SAMD8: variants seen among roughly 807,000 people sequenced by gnomAD.
SAMD8 encodes the protein sphingomyelin synthase-related protein 1.
In SAMD8, 20 loss-of-function variants were observed where a neutral mutation model predicts 42.0. That is an observed-to-expected ratio of 0.48 (90% CI 0.34 to 0.69). The LOEUF (loss-of-function observed/expected upper bound fraction) is 0.69. Ranked by LOEUF, SAMD8 falls within the 30% of genes least tolerant of loss-of-function variation. SAMD8 has a pLI of 0.01. For synonymous variants in SAMD8, 162 were observed against 173.0 expected, an observed-to-expected ratio of 0.94 and a Z score of 0.50; for missense variants, 328 against 511.6, an observed-to-expected ratio of 0.64 and a Z score of 3.46.
intron 2 of SAMD8, among the ~76,000 whole-genome samples, chr10:75,163,325 T>TTCTA (rs1840601873): frequency 2.0e-5 from 3 of 152,242 alleles, no homozygotes; most frequent in Non-Finnish European, 4.4e-5. Flanking sequence ...AAAAGAAACG[T>TTCTA]CAATAATTCT....
chr10:75,109,028 T>C (rs1848693664), upstream of SAMD8: 3 of 1,610,128 alleles, frequency 1.9e-6, no homozygotes, highest in East Asian at 2.2e-5. Context: ...ATGAAAAGGT[T>C]GGGCCAAACT....
chr10:75,107,047 C>T (rs1005187360), upstream of SAMD8, among the ~76,000 whole-genome samples: 15 of 152,176 alleles, frequency 9.9e-5, no homozygotes, highest in Non-Finnish European at 2.9e-5. Context: ...GTTAAAAGTA[C>T]TTTGGGGGCC....
At position 75,150,279 on chromosome 10, in the gene SAMD8, ATTT is replaced by A. The variant is rs34826271; in HGVS notation, c.-15-216_-15-214del. On this transcript the variant is annotated intron_variant, in intron 1 of 5. Transcript: ENST00000542569. ...GGTGTCCCACCATGCCCAGGCTAAA[ATTT>A]TTTTTTTTTTTTTTTTTTGGTAGAG... 5.0e-3 allele frequency: 672 copies of A among 134,066 alleles called. 1 individual carries two copies. Among genetic ancestry groups the A allele is most frequent in the African/African-American group, 0.012 (343 of 29,586 alleles). 8.3% of individuals were successfully genotyped at this position (134,066 alleles called of 1,614,324 possible).
chr10:75,104,636 G>GC (rs979998539), intron 1 of SAMD8, among the ~76,000 whole-genome samples: 34 of 152,108 alleles, frequency 2.2e-4, no homozygotes, highest in African/African-American at 8.0e-4. Flanking sequence ...TGGGAAACAT[G>GC]CCCCCTTCAG....
upstream of SAMD8, among the ~76,000 whole-genome samples, chr10:75,111,004 C>A (rs972379624): frequency 6.6e-6 from 1 of 152,038 alleles, no homozygotes; most frequent in Admixed American, 6.6e-5. Context: ...TTAGTACAGA[C>A]GAGGTTTCCC....
intron 1 of SAMD8, among the ~76,000 whole-genome samples, chr10:75,138,826 CG>C (rs1839951956): frequency 6.6e-6 from 1 of 152,064 alleles, no homozygotes; most frequent in Non-Finnish European, 1.5e-5. Context: ...CAGAACAGTC[CG>C]GTGTTTTTAT....
At chr10:75,130,531 A>C (rs186166385) in intron 1 of SAMD8, among the ~76,000 whole-genome samples, 21 of 152,186 alleles carry the variant, frequency 1.4e-4, no homozygotes, top group African/African-American at 4.6e-4. Flanking sequence ...CACTATGATC[A>C]TTCTTTAAAT....
chr10:75,152,113 C>G (rs921235883), intron 2 of SAMD8, among the ~76,000 whole-genome samples: 6 of 150,376 alleles, frequency 4.0e-5, no homozygotes, highest in African/African-American at 1.2e-4. Context: ...TTGATGGTGT[C>G]ATATCACCAA....
chr10:75,174,738 CTTTTTT>C (rs928634732), intron 4 of SAMD8, among the ~76,000 whole-genome samples: 2 of 145,892 alleles, frequency 1.4e-5, no homozygotes, highest in African/African-American at 5.0e-5. Flanking sequence ...CTGCAGTATG[CTTTTTT>C]TTTTTAAGTG....
At chr10:75,141,136 A>G (rs1188683580) in intron 1 of SAMD8, among the ~76,000 whole-genome samples, 1 of 152,180 alleles carries the variant, frequency 6.6e-6, no homozygotes, top group Non-Finnish European at 1.5e-5. Flanking sequence ...TGAGCTCAGG[A>G]GTTCGAGATG....
At chr10:75,166,462 G>A (rs1811986314) in intron 3 of SAMD8, among the ~76,000 whole-genome samples, 1 of 152,066 alleles carries the variant, frequency 6.6e-6, no homozygotes, top group Non-Finnish European at 1.5e-5. Context: ...GAGGAACAAG[G>A]GTAGTTGCTT....
chr10:75,174,631 C>CA (rs1840948654), intron 4 of SAMD8, among the ~76,000 whole-genome samples: 1 of 141,656 alleles, frequency 7.1e-6, no homozygotes, highest in African/African-American at 2.7e-5. Context: ...GATGGGTTTT[C>CA]CATGTTGGTC....
intron 1 of SAMD8, among the ~76,000 whole-genome samples, chr10:75,131,587 C>A (rs993163945): frequency 6.6e-6 from 1 of 151,986 alleles, no homozygotes; most frequent in Admixed American, 6.6e-5. Flanking sequence ...TTAAAAATAA[C>A]TGATCAAATT....
At chr10:75,142,040 TG>T (rs1376702708) in intron 1 of SAMD8, among the ~76,000 whole-genome samples, 1 of 151,922 alleles carries the variant, frequency 6.6e-6, no homozygotes, top group Non-Finnish European at 1.5e-5. Flanking sequence ...CTCCACCTTC[TG>T]GGTTCAAGCA....
intron 1 of SAMD8, among the ~76,000 whole-genome samples, chr10:75,122,040 A>G (rs1375977167): frequency 6.6e-6 from 1 of 152,176 alleles, no homozygotes; most frequent in African/African-American, 2.4e-5. Context: ...TTTGCTTCAA[A>G]CAGTGAAAAA....
At position 75,150,560 on chromosome 10, in the gene SAMD8, G is replaced by A. The variant is rs773937515; in HGVS notation, c.32G>A (p.Arg11His). MAGPNQLCIR[R>H]WTTKHVAVWL... ...GGTCCTAATCAACTCTGCATTCGCC[G>A]CTGGACTACCAAGCATGTAGCTGTG... Residue 11 changes from arginine (R) to histidine (H), a missense_variant, in exon 2 of 6, where the codon CGC (arginine) becomes CAC (histidine). By Grantham distance (29) the Arg-to-His change is conservative. Around this residue, in one of 2 missense-constraint regions of SAMD8, gnomAD observed 150 missense variants for 186.0 expected, o/e 0.81. Coordinates refer to ENST00000542569, the MANE Select transcript of SAMD8 (RefSeq NM_001174156.2). 1.5e-5 allele frequency: 24 copies of A among 1,613,818 alleles called. No homozygotes were observed. The highest frequency in any genetic ancestry group is 4.5e-5 in the East Asian group (2 of 44,904).
At chr10:75,152,058 TA>T (rs146841540) in intron 2 of SAMD8, among the ~76,000 whole-genome samples, 46,875 of 144,802 alleles carry the variant, frequency 0.32, 7,798 homozygotes, top group East Asian at 0.6. Context: ...TGCCTTTTTT[TA>T]TTTTTTTTTA....
rs113962207 is a variant in SAMD8, at chr10:75,124,655, G to A, written c.-16+12933G>A. Among the ~76,000 whole-genome samples, 511 of 150,626 alleles carry A rather than the reference G, an allele frequency of 3.4e-3. 1 individual carries two copies. The highest frequency in any genetic ancestry group is 0.012 in the African/African-American group (483 of 41,098). On this transcript the variant is annotated intron_variant, in intron 1 of 5. Coordinates refer to ENST00000542569, the MANE Select transcript of SAMD8 (RefSeq NM_001174156.2). ...GGTACCTGTCAGAAAAATCTAGAGA[G>A]CAAAACGGTACACATACTGAAGAGT...
intron 1 of SAMD8, among the ~76,000 whole-genome samples, chr10:75,123,957 A>G (rs192791039): frequency 1.1e-4 from 17 of 152,190 alleles, no homozygotes; most frequent in African/African-American, 3.6e-4. Flanking sequence ...CAAACTTTTC[A>G]GCTCCAGCGA....
Sources: allele counts gnomAD v4.1 joint callset (sites outside exome capture counted in the v4.1 genomes callset), GRCh38; gene constraint gnomAD v4.1.1; regional missense constraint gnomAD v4.1.1; transcripts MANE v1.5; gene names NCBI Gene and HGNC (gene_info 2026-07-23, HGNC 2026-07-21).